GMDS: variants seen among roughly 807,000 people sequenced by gnomAD.
GMDS encodes the protein GDP-mannose 4,6-dehydratase, also known as GDP-mannose 4,6 dehydratase.
A neutral mutation model predicts 49.9 loss-of-function variants in GMDS; 20 were observed. The ratio of observed to expected loss-of-function variants is 0.40; its 90% CI spans 0.28 to 0.58. The LOEUF (loss-of-function observed/expected upper bound fraction) is 0.58, where lower values mean the gene tolerates loss of function less well. GMDS is among the 20% of genes least tolerant of loss of function. The pLI is 0.42. For missense variants in GMDS, 362 were observed against 481.4 expected (o/e 0.75, Z 2.32); for synonymous variants, 177 against 178.6 (o/e 0.99, Z 0.07).
intron 8 of GMDS, among the ~76,000 whole-genome samples, chr6:1,742,129 T>C (rs1343782835): frequency 2.6e-5 from 4 of 151,460 alleles, no homozygotes; most frequent in Non-Finnish European, 4.4e-5. Flanking sequence ...ACCATGTTGG[T>C]CAGGCTGGTC....
chr6:2,195,261 A>C (rs1010501888), intron 1 of GMDS, among the ~76,000 whole-genome samples: 1 of 152,180 alleles, frequency 6.6e-6, no homozygotes, highest in Non-Finnish European at 1.5e-5. Flanking sequence ...ATTCTGAAGC[A>C]AAAAGACCTA....
chr6:1,754,527 T>C (rs1445008756), intron 7 of GMDS, among the ~76,000 whole-genome samples: 1 of 152,202 alleles, frequency 6.6e-6, no homozygotes, highest in African/African-American at 2.4e-5. Context: ...TAACTCATTT[T>C]ATGAGGCCAG....
rs570389717 is a variant in GMDS, at chr6:2,245,309, C to T, written c.102+12G>A. The T allele has an allele frequency of 8.6e-5, 131 of 1,518,676 alleles. No individual in the cohort carries two copies. The African/African-American group carries it at 1.0e-3, about 12-fold the overall frequency. 94.1% of individuals were successfully genotyped at this position (1,518,676 alleles called of 1,614,324 possible). On this transcript the variant is annotated intron_variant, in intron 1 of 10. Coordinates refer to ENST00000380815, the MANE Select transcript of GMDS (RefSeq NM_001500.4). ...GCTGCCTCGGCCGGCGCGCCCCCGC[C>T]CCCGCACTCACCTGGCCTGTGATAC...
chr6:1,847,469 G>C (rs969688534), intron 7 of GMDS, among the ~76,000 whole-genome samples: 4 of 152,200 alleles, frequency 2.6e-5, no homozygotes, highest in African/African-American at 4.8e-5. Context: ...TATTCAGTCT[G>C]TCTTGGAGCG....
intron 1 of GMDS, among the ~76,000 whole-genome samples, chr6:2,159,565 C>T (rs1432991601): frequency 7.6e-6 from 1 of 132,004 alleles, no homozygotes; most frequent in Non-Finnish European, 1.5e-5. Context: ...GCCGGCCAGG[C>T]TGGAGTGCAG....
At chr6:1,771,378 C>T (rs1214002356) in intron 7 of GMDS, among the ~76,000 whole-genome samples, 6 of 152,210 alleles carry the variant, frequency 3.9e-5, no homozygotes, top group South Asian at 4.1e-4. Flanking sequence ...AGCTCTGCTA[C>T]TTAATGACTG....
chr6:1,887,517 T>C (rs1389405631), intron 7 of GMDS, among the ~76,000 whole-genome samples: 2 of 152,232 alleles, frequency 1.3e-5, no homozygotes, highest in Non-Finnish European at 2.9e-5. Flanking sequence ...TTATAATAAC[T>C]GGATCCAGAG....
rs933896769 is a variant in GMDS at position 2,049,884 on chromosome 6, T to C, written c.345+65887A>G. ...TCTGGGACACATGTAAAGCAGTGTG[T>C]AGAGGGAAATTTATAGCACTAAATG... On this transcript the variant is annotated intron_variant, in intron 4 of 10. Transcript: ENST00000380815. 3.3e-5 allele frequency among the ~76,000 whole-genome samples: 5 copies of C among 152,172 alleles called. No individual in the cohort carries two copies. The East Asian group carries it at 9.6e-4, about 29-fold the overall frequency.
chr6:1,723,587 T>C (rs957598007), intron 9 of GMDS, among the ~76,000 whole-genome samples: 1 of 83,810 alleles, frequency 1.2e-5, no homozygotes, highest in African/African-American at 5.9e-5. Context: ...CCTCGGCCTC[T>C]TTATGGCAAT....
intron 7 of GMDS, among the ~76,000 whole-genome samples, chr6:1,830,672 T>G (rs557395672): frequency 6.6e-6 from 1 of 152,166 alleles, no homozygotes; most frequent in African/African-American, 2.4e-5. Context: ...TTGCCTAGAA[T>G]GTAAGCGAAT....
intron 4 of GMDS, among the ~76,000 whole-genome samples, chr6:1,991,054 C>T (rs1391433292): frequency 6.6e-6 from 1 of 151,710 alleles, no homozygotes; most frequent in African/African-American, 2.4e-5. Context: ...GTTCTCTACC[C>T]CTCCTCTCAA....
intron 7 of GMDS, among the ~76,000 whole-genome samples, chr6:1,878,314 CAAAAA>C (rs11463549): frequency 5.5e-5 from 4 of 72,528 alleles, no homozygotes; most frequent in Non-Finnish European, 7.5e-5. Flanking sequence ...GAATCCATCT[CAAAAA>C]AAAAAAAAAA....
chr6:1,702,062 A>C (rs1325815709), intron 9 of GMDS, among the ~76,000 whole-genome samples: 1 of 152,224 alleles, frequency 6.6e-6, no homozygotes, highest in Non-Finnish European at 1.5e-5. Flanking sequence ...ATCGAACTAG[A>C]AACTGGAATG....
At chr6:1,988,419 C>T (rs976178060) in intron 4 of GMDS, among the ~76,000 whole-genome samples, 1 of 152,112 alleles carries the variant, frequency 6.6e-6, no homozygotes, top group East Asian at 1.9e-4. Context: ...CAGCCCAATC[C>T]CACCCTCATC....
chr6:2,113,946 T>C (rs1774700561), intron 4 of GMDS, among the ~76,000 whole-genome samples: 1 of 152,156 alleles, frequency 6.6e-6, no homozygotes, highest in African/African-American at 2.4e-5. Context: ...AAACTTCACA[T>C]GTGTAGCAAT....
At chr6:2,012,995 A>G (rs1347355144) in intron 4 of GMDS, among the ~76,000 whole-genome samples, 1 of 152,148 alleles carries the variant, frequency 6.6e-6, no homozygotes, top group African/African-American at 2.4e-5. Context: ...AAAAGCAGAC[A>G]CTCAACTCTG....
chr6:1,967,271 A>T (rs2476465), intron 4 of GMDS, among the ~76,000 whole-genome samples: 1 of 152,042 alleles, frequency 6.6e-6, no homozygotes, highest in African/African-American at 2.4e-5. Flanking sequence ...GGTAAGCTCC[A>T]TGAGAGCTGG....
chr6:1,996,743 T>G (rs1766306406), intron 4 of GMDS, among the ~76,000 whole-genome samples: 1 of 152,088 alleles, frequency 6.6e-6, no homozygotes, highest in Non-Finnish European at 1.5e-5. Context: ...CTAAAAGTGA[T>G]TTCTTAGAAG....
At position 1,635,339 on chromosome 6, in the gene GMDS, C is replaced by T. The variant is rs1763111406; in HGVS notation, c.988-10799G>A. Among the ~76,000 whole-genome samples the T allele has an allele frequency of 6.6e-6, 1 of 152,148 alleles. No individual in the cohort carries two copies. The highest frequency in any genetic ancestry group is 1.5e-5 in the Non-Finnish European group (1 of 68,030). Reference sequence around the variant, plus strand: ...TCTTCCGTGACCCTGGTCCACGGGACAGGCGAGGAAAGGGTTAAGGCAAGC... The same window carrying T: ...TCTTCCGTGACCCTGGTCCACGGGATAGGCGAGGAAAGGGTTAAGGCAAGC... On this transcript the variant is annotated intron_variant, in intron 9 of 10. Transcript: ENST00000380815. This position sits in a 1 kb window ranked among gnomAD's most constrained non-coding sequence, Gnocchi z 4.7.
Sources: allele counts gnomAD v4.1 joint callset (sites outside exome capture counted in the v4.1 genomes callset), GRCh38; gene constraint gnomAD v4.1.1; non-coding constraint Gnocchi (gnomAD v3.1); transcripts MANE v1.5; gene names NCBI Gene and HGNC (gene_info 2026-07-23, HGNC 2026-07-21).